Variants in CLASP1 observed in about 807,000 individuals in gnomAD.
CLASP1 encodes cytoplasmic linker associated protein 1, also known as CLIP-associating protein 1.
A neutral mutation model predicts 192.3 loss-of-function variants in CLASP1; 38 were observed. The observed-to-expected ratio is 0.20, with a 90% CI of 0.15 to 0.26. The LOEUF is 0.26. Ranked by LOEUF, CLASP1 falls within the 10% of genes least tolerant of loss-of-function variation. The pLI is 1.00. For synonymous variants in CLASP1, 691 were observed against 712.8 expected (o/e 0.97, Z 0.49); for missense variants, 1,433 against 1,932.5 (o/e 0.74, Z 4.85).
intron 7 of CLASP1, among the ~76,000 whole-genome samples, chr2:121,511,602 AGAGAG>A (rs1465953831): frequency 4.7e-5 from 7 of 148,540 alleles, no homozygotes; most frequent in African/African-American, 1.5e-4. Flanking sequence ...AAAAAAAAAA[AGAGAG>A]AGAGAGAGAG....
chr2:121,580,968 A>C (rs942627037), intron 2 of CLASP1, among the ~76,000 whole-genome samples: 3 of 152,222 alleles, frequency 2.0e-5, no homozygotes, highest in African/African-American at 7.2e-5. Context: ...CTTAGAAATT[A>C]AAGGCCATGC....
chr2:121,411,551 T>TA (rs139783705), intron 23 of CLASP1, among the ~76,000 whole-genome samples: 6,072 of 152,218 alleles, frequency 0.04, 162 homozygotes, highest in East Asian at 0.14. Context: ...TAATAATCAC[T>TA]AAAAAAATCT....
At chr2:121,341,642 A>G (rs956316545) in intron 39 of CLASP1, among the ~76,000 whole-genome samples, 3 of 152,234 alleles carry the variant, frequency 2.0e-5, no homozygotes, top group Non-Finnish European at 4.4e-5. Context: ...GGCTATACTA[A>G]TATCAGACAA....
chr2:121,597,751 C>T (rs1005719891), intron 2 of CLASP1, among the ~76,000 whole-genome samples: 2 of 152,292 alleles, frequency 1.3e-5, no homozygotes, highest in South Asian at 4.1e-4. Context: ...TTCCAATGAT[C>T]CCAGTAAAGG....
At chr2:121,550,129 C>T (rs377729791) in intron 2 of CLASP1, among the ~76,000 whole-genome samples, 26 of 151,536 alleles carry the variant, frequency 1.7e-4, no homozygotes, top group East Asian at 5.8e-4. Context: ...GTAAATTATA[C>T]GACATGCTCT....
At chr2:121,401,706 T>C (rs754832937) in intron 27 of CLASP1, 34 bp from the exon 29 acceptor site, 18 of 1,571,372 alleles carry the variant, frequency 1.1e-5, no homozygotes, top group African/African-American at 1.4e-5. Flanking sequence ...AGTTCACATA[T>C]TGAATTCACG....
intron 22 of CLASP1, 96 bp downstream of exon 22, chr2:121,425,043 A>G: frequency 8.0e-7 from 1 of 1,249,642 alleles, no homozygotes; most frequent in East Asian, 2.4e-5. Context: ...TTCAAAAAAT[A>G]GATCTATATT....
At chr2:121,617,115 G>A (rs936154339) in intron 1 of CLASP1, among the ~76,000 whole-genome samples, 6 of 152,134 alleles carry the variant, frequency 3.9e-5, no homozygotes, top group African/African-American at 9.7e-5. Context: ...GCTCAGCACC[G>A]GGGCAGCCCC....
At chr2:121,535,283 C>G (rs1221490924) in intron 2 of CLASP1, among the ~76,000 whole-genome samples, 7 of 151,712 alleles carry the variant, frequency 4.6e-5, no homozygotes, top group Admixed American at 3.9e-4. Context: ...CACCTTGTCT[C>G]AATAAATAAA....
intron 1 of CLASP1, among the ~76,000 whole-genome samples, chr2:121,646,864 C>T (rs188940991): frequency 2.0e-5 from 3 of 151,388 alleles, no homozygotes; most frequent in Admixed American, 6.6e-5. Context: ...GGTGAAACCC[C>T]GTCTCTACTA....
chr2:121,555,162 C>G (rs1180988544), intron 2 of CLASP1, among the ~76,000 whole-genome samples: 1 of 152,212 alleles, frequency 6.6e-6, no homozygotes, highest in Non-Finnish European at 1.5e-5. Flanking sequence ...GCAGGTCTCT[C>G]TGCGGCCCAT....
rs557199298 is a variant in CLASP1, at chr2:121,449,232, C to T, written c.1524-112G>A. ...CAAGGACTGGAAGCCTCAGTTTAGC[C>T]GCTAATAGTAGCAGGAGGAGAGGGT... On this transcript the variant is annotated intron_variant, in intron 16 of 39. Coordinates refer to ENST00000263710, the Ensembl canonical transcript of CLASP1. The T allele has an allele frequency of 8.0e-4, 667 of 835,744 alleles. 5 individuals are homozygous for T. The highest frequency in any genetic ancestry group is 7.7e-5 in the Non-Finnish European group (42 of 544,550). 51.8% of individuals were successfully genotyped at this position (835,744 alleles called of 1,614,324 possible).
At chr2:121,589,445 C>G (rs757663564) in intron 2 of CLASP1, among the ~76,000 whole-genome samples, 2 of 152,064 alleles carry the variant, frequency 1.3e-5, no homozygotes, top group Non-Finnish European at 2.9e-5. Flanking sequence ...GCCTGGCCAA[C>G]ATGGTAAAAC....
intron 22 of CLASP1, among the ~76,000 whole-genome samples, chr2:121,420,954 C>T (rs554747164): frequency 6.6e-6 from 1 of 152,278 alleles, no homozygotes; most frequent in South Asian, 2.1e-4. Context: ...AAGGTTTACC[C>T]CCCTCCGGTA....
chr2:121,427,575 C>A, intron 20 of CLASP1, 145 bp from the exon 21 acceptor site: 2 of 773,344 alleles, frequency 2.6e-6, no homozygotes, highest in South Asian at 1.7e-5. Context: ...AGGACTTGTT[C>A]CTCCTATTTT....
intron 33 of CLASP1, among the ~76,000 whole-genome samples, chr2:121,380,862 T>C (rs907976810): frequency 6.6e-6 from 1 of 152,134 alleles, no homozygotes; most frequent in East Asian, 1.9e-4. Flanking sequence ...ATATGTATCG[T>C]GTATGTATGT....
At chr2:121,559,466 G>A (rs956246616) in intron 2 of CLASP1, among the ~76,000 whole-genome samples, 1 of 152,088 alleles carries the variant, frequency 6.6e-6, no homozygotes, top group Admixed American at 6.5e-5. Flanking sequence ...ACAAAATGTG[G>A]TATACCTACA....
intron 1 of CLASP1, among the ~76,000 whole-genome samples, chr2:121,631,907 C>T (rs1323083340): frequency 4.0e-5 from 6 of 151,872 alleles, no homozygotes; most frequent in Admixed American, 3.9e-4. Flanking sequence ...ATTAGCTGGG[C>T]GTGGTGGCGT....
At chr2:121,611,307 G>A (rs2065429234) in intron 1 of CLASP1, among the ~76,000 whole-genome samples, 2 of 135,262 alleles carry the variant, frequency 1.5e-5, no homozygotes, top group African/African-American at 5.9e-5. Context: ...AGTTACAGGA[G>A]AAAGAGGAAC....
Sources: allele counts gnomAD v4.1 joint callset (sites outside exome capture counted in the v4.1 genomes callset), GRCh38; gene constraint gnomAD v4.1.1; transcripts MANE v1.5; gene names NCBI Gene and HGNC (gene_info 2026-07-23, HGNC 2026-07-21).